The following RGPD2 variants were observed in gnomAD, a reference collection of about 807,000 sequenced individuals.
The protein encoded by RGPD2 is RANBP2-like and GRIP domain-containing protein 2.
In RGPD2, 2 loss-of-function variants were observed where a neutral mutation model predicts 36.0. The ratio of observed to expected loss-of-function variants is 0.06; its 90% CI spans 0.02 to 0.17. The LOEUF (loss-of-function observed/expected upper bound fraction) is 0.17, where lower values mean the gene tolerates loss of function less well. RGPD2 is among the 10% of genes least tolerant of loss of function. The pLI is 1.00. For missense variants in RGPD2, 40 were observed against 464.3 expected, an observed-to-expected ratio of 0.09 and a Z score of 8.40; for synonymous variants, 19 against 163.8, an observed-to-expected ratio of 0.12 and a Z score of 6.75.
At chr2:87,838,016 T>G in the RGPD2 span, among the ~76,000 whole-genome samples, 1 of 151,308 alleles carries the variant, frequency 6.6e-6, no homozygotes, top group Non-Finnish European at 1.5e-5. Flanking sequence ...TTTAACCAAA[T>G]GTAAATTAAA....
At chr2:87,864,925 G>C in the RGPD2 span, among the ~76,000 whole-genome samples, 1 of 152,294 alleles carries the variant, frequency 6.6e-6, no homozygotes, top group East Asian at 1.9e-4. Context: ...CCTCTTAAAA[G>C]AATCTTTAGA....
the RGPD2 span, among the ~76,000 whole-genome samples, chr2:87,870,290 CA>C: frequency 1.0e-4 from 16 of 152,396 alleles, no homozygotes; most frequent in African/African-American, 3.8e-4. Context: ...GCAATCGAGC[CA>C]ATCTTTGGTC....
the RGPD2 span, among the ~76,000 whole-genome samples, chr2:87,986,838 C>G: frequency 6.6e-6 from 1 of 150,842 alleles, no homozygotes; most frequent in African/African-American, 2.4e-5. Context: ...CAAGATCACG[C>G]CATTGCACTC....
the RGPD2 span, among the ~76,000 whole-genome samples, chr2:87,934,646 C>T: frequency 6.6e-6 from 1 of 150,976 alleles, no homozygotes; most frequent in Admixed American, 6.6e-5. Flanking sequence ...CAGGTTAATC[C>T]ATTTTTATAT....
chr2:87,877,732 G>A, the RGPD2 span, among the ~76,000 whole-genome samples: 1 of 142,612 alleles, frequency 7.0e-6, no homozygotes, highest in Non-Finnish European at 1.5e-5. Flanking sequence ...ACGAACCCAG[G>A]AGGCAGAGCT....
the RGPD2 span, among the ~76,000 whole-genome samples, chr2:87,857,315 G>A: frequency 6.6e-6 from 1 of 152,060 alleles, no homozygotes; most frequent in African/African-American, 2.4e-5. Context: ...AATTCAAATT[G>A]TAAATACTCA....
intron 20 of RGPD2, among the ~76,000 whole-genome samples, chr2:87,781,466 T>G (rs1284876783): frequency 6.2e-5 from 8 of 129,292 alleles, no homozygotes; most frequent in Admixed American, 2.3e-4. Context: ...GTTTTTTTGT[T>G]TTTTTTTTTT....
the RGPD2 span, among the ~76,000 whole-genome samples, chr2:87,864,569 AGATAGAT>A: frequency 1.3e-5 from 2 of 150,770 alleles, no homozygotes; most frequent in Admixed American, 6.7e-5. Context: ...AGCTAGACAT[AGATAGAT>A]GATAGATAGA....
At chr2:87,836,265 GGAA>G in the RGPD2 span, among the ~76,000 whole-genome samples, 3,613 of 135,298 alleles carry the variant, frequency 0.027, 170 homozygotes, top group African/African-American at 0.095. Context: ...AAGGAAGGAA[GGAA>G]GAAAGAAGAA....
At chr2:87,903,448 A>G in the RGPD2 span, among the ~76,000 whole-genome samples, 5 of 152,276 alleles carry the variant, frequency 3.3e-5, no homozygotes, top group Admixed American at 6.5e-5. Flanking sequence ...CTTTGTATAT[A>G]TACCAGCTCA....
the RGPD2 span, among the ~76,000 whole-genome samples, chr2:87,853,600 T>C: frequency 2.6e-5 from 4 of 151,496 alleles, no homozygotes; most frequent in African/African-American, 7.3e-5. Context: ...TAATTGGTGA[T>C]GTTTAATTTC....
the RGPD2 span, among the ~76,000 whole-genome samples, chr2:87,988,612 C>A: frequency 2.0e-5 from 3 of 147,022 alleles, no homozygotes; most frequent in African/African-American, 7.5e-5. Context: ...ACGATCTTGG[C>A]TCACTGCAAC....
chr2:87,824,850 G>A (rs1686617685), intron 1 of RGPD2: 1 of 102,454 alleles, frequency 9.8e-6, no homozygotes, highest in Non-Finnish European at 2.0e-5. Flanking sequence ...CGCCCGGCCA[G>A]GCCGAGGCCG....
At chr2:87,912,031 C>G in the RGPD2 span, among the ~76,000 whole-genome samples, 78 of 152,228 alleles carry the variant, frequency 5.1e-4, no homozygotes, top group African/African-American at 1.8e-3. Flanking sequence ...TTTAAATTCC[C>G]TATGTCTTCC....
At chr2:87,881,728 C>A in the RGPD2 span, among the ~76,000 whole-genome samples, 1 of 149,722 alleles carries the variant, frequency 6.7e-6, no homozygotes, top group African/African-American at 2.5e-5. Context: ...GTTCCAAGGT[C>A]GCGTCCACAT....
chr2:87,824,736 GGCCGAGGCCGCCGCCGCC>G (rs1651020525), intron 1 of RGPD2, among the ~76,000 whole-genome samples: 1 of 121,668 alleles, frequency 8.2e-6, no homozygotes, highest in Admixed American at 7.9e-5. Flanking sequence ...CGCCCGGCCA[GGCCGAGGCCGCCGCCGCC>G]GCCGCCGCCG....
chr2:87,916,873 C>T, the RGPD2 span, among the ~76,000 whole-genome samples: 3 of 151,702 alleles, frequency 2.0e-5, no homozygotes, highest in Non-Finnish European at 2.9e-5. Flanking sequence ...ATGTACCCAA[C>T]GGATGAACGA....
the RGPD2 span, among the ~76,000 whole-genome samples, chr2:87,868,824 T>C: frequency 1.3e-5 from 2 of 152,122 alleles, no homozygotes; most frequent in Non-Finnish European, 2.9e-5. Flanking sequence ...CTTATCATCC[T>C]ATGTAAAACA....
At chr2:87,924,582 A>G in the RGPD2 span, among the ~76,000 whole-genome samples, 2 of 152,260 alleles carry the variant, frequency 1.3e-5, no homozygotes, top group East Asian at 3.8e-4. Context: ...TTCCAAGAGT[A>G]TATCTCTCAC....
Sources: gnomAD v4.1 joint callset for allele counts (sites outside exome capture counted in the v4.1 genomes callset) on GRCh38, gnomAD v4.1.1 for gene constraint, MANE v1.5 for transcripts, NCBI Gene and HGNC (gene_info 2026-07-23, HGNC 2026-07-21) for gene names.